MBOAT7: variants seen among roughly 807,000 people sequenced by gnomAD.
MBOAT7 encodes membrane-bound acylglycerophosphatidylinositol O-acyltransferase MBOAT7.
Under a neutral mutation model 47.4 loss-of-function variants are expected in MBOAT7, and 40 were observed. That is an observed-to-expected ratio of 0.84 (90% CI 0.66 to 1.10). The LOEUF is 1.10. Among genes scored for constraint, MBOAT7 ranks in the 50% least tolerant of loss-of-function variants. MBOAT7 has a pLI of 0.00. For synonymous variants in MBOAT7, 361 were observed against 292.0 expected (o/e 1.24, Z -2.41); for missense variants, 680 against 655.6 (o/e 1.04, Z -0.41).
At chr19:54,176,099 C>A (rs2076100429) in intron 7 of MBOAT7, among the ~76,000 whole-genome samples, 1 of 152,148 alleles carries the variant, frequency 6.6e-6, no homozygotes, top group South Asian at 2.1e-4. Context: ...TTGTGATCCA[C>A]CCACCTTGGC....
rs1164859526 is a variant in MBOAT7 at position 54,188,236 on chromosome 19, G to C, written c.187C>G (p.Leu63Val). 3.1e-6 allele frequency: 5 copies of C among 1,613,132 alleles called. No homozygotes were observed. Among genetic ancestry groups the C allele is most frequent in the Non-Finnish European group, 4.2e-6 (5 of 1,179,554 alleles). Residue 63 changes from leucine (L) to valine (V), a missense_variant, in exon 3 of 8, where the codon CTC becomes GTC. Transcript: ENST00000245615. ...SLVTILGTWA[L>V]IQAQPCSCHA... is the part of the protein sequence containing the mutation. ...TCTCACCAGGGCTGGGCCTGAATGAGGGCCCAGGTCCCGAGGATGGTGACC... is the reference window on the plus strand; with the variant it reads ...TCTCACCAGGGCTGGGCCTGAATGACGGCCCAGGTCCCGAGGATGGTGACC...
At chr19:54,178,457 T>G in intron 7 of MBOAT7, 1 of 1,308,676 alleles carries the variant, frequency 7.6e-7, no homozygotes, top group Non-Finnish European at 9.7e-7. Flanking sequence ...CTCCTCAAGG[T>G]TTCTCCATAA....
At position 54,174,497 on chromosome 19, in the gene MBOAT7, C is replaced by G. The variant is rs2076022277; in HGVS notation, c.1032-66G>C. 8 of 1,432,170 alleles carry G rather than the reference C, an allele frequency of 5.6e-6. No homozygotes were observed. The East Asian group carries it at 2.0e-4, about 37-fold the overall frequency. The allele number at this position is 1,432,170 out of a possible 1,614,324, so 88.7% of individuals were successfully genotyped here. A position where few individuals can be genotyped will look rare whatever the true frequency, so the allele number is the denominator to read the frequency against. The stretch of plus-strand genomic sequence containing the variant: ...CCCCAGTGCCCACTGCCCCCAGATC[C>G]AGGAGTCCAGGACCCCAGCCCCTCC... On this transcript the variant is annotated intron_variant, in intron 7 of 7. Coordinates refer to ENST00000245615, the MANE Select transcript of MBOAT7 (RefSeq NM_024298.5).
At position 54,174,016 on chromosome 19, in the gene MBOAT7, C is replaced by T. The variant is rs988160383; in HGVS notation, c.*28G>A. ...GCCTGGTTCACAGAATTCCCGGGAC[C>T]AGCTGGCAGAGGGAGCGTCGTGACA... On this transcript the variant is annotated 3_prime_UTR_variant, in exon 8 of 8. Transcript: ENST00000245615. 4.5e-6 allele frequency: 7 copies of T among 1,543,066 alleles called. No homozygotes were observed. The highest frequency in any genetic ancestry group is 4.6e-5 in the East Asian group (2 of 43,164).
Position 54,174,462 on chromosome 19 carries a change from G to A in MBOAT7, c.1032-31C>T, listed in dbSNP as rs745767397. Reference sequence around the variant, plus strand: ...GAGGAGGCTGGGAGTCAGGACCTACGAGTCCAGGTCCCCAGTGCCCACTGC... The same window carrying A: ...GAGGAGGCTGGGAGTCAGGACCTACAAGTCCAGGTCCCCAGTGCCCACTGC... On this transcript the variant is annotated intron_variant, in intron 7 of 7. Transcript: ENST00000245615. 1.1e-5 allele frequency: 16 copies of A among 1,495,896 alleles called. No individual in the cohort carries two copies. In the Middle Eastern group the frequency reaches 6.3e-4, roughly 59 times the overall value. The allele number at this position is 1,495,896 out of a possible 1,614,324, so 92.7% of individuals were successfully genotyped here. A position where few individuals can be genotyped will look rare whatever the true frequency, so the allele number is the denominator to read the frequency against.
intron 4 of MBOAT7, among the ~76,000 whole-genome samples, chr19:54,184,167 T>C (rs200521780): frequency 4.9e-5 from 6 of 122,018 alleles, no homozygotes; most frequent in African/African-American, 2.0e-4. Flanking sequence ...CTCTCTTTTT[T>C]TTTTTTTTTT....
chr19:54,187,901 G>C (rs1291162668), intron 3 of MBOAT7, among the ~76,000 whole-genome samples: 1 of 151,982 alleles, frequency 6.6e-6, no homozygotes, highest in Non-Finnish European at 1.5e-5. Flanking sequence ...TGTAATCCCA[G>C]CTACTTGGGA....
rs750035706 is a variant in MBOAT7 at position 54,180,848 on chromosome 19, CCGGCGGCAATGCAGCCGCACT to C, written c.758_778del (p.Glu253_Ala259del). The C allele has an allele frequency of 5.3e-5, 83 of 1,579,556 alleles. No homozygotes were observed. Among genetic ancestry groups the C allele is most frequent in the South Asian group, 1.4e-4 (12 of 86,862 alleles). On this transcript the variant is annotated inframe_deletion, in exon 6 of 8. Coordinates refer to ENST00000245615, the MANE Select transcript of MBOAT7 (RefSeq NM_024298.5). This position sits in a 1 kb window ranked among gnomAD's most constrained non-coding sequence, Gnocchi z 5.2. ...GGCGGCCACGGGGTAGGCCCCAAAG[CCGGCGGCAATGCAGCCGCACT>C]CGGCGGCAATCCAGGCCACGTAGAA...
chr19:54,174,361 T>C lies in MBOAT7; in HGVS notation c.1102A>G (p.Thr368Ala). 1 of 1,611,512 alleles carries C rather than the reference T, an allele frequency of 6.2e-7. No homozygotes were observed. Among genetic ancestry groups the C allele is most frequent in the South Asian group, 1.1e-5 (1 of 90,854 alleles). The change falls in exon 8 of 8, where the codon ACC becomes GCC. Residue 368 changes from threonine (T) to alanine (A), a missense_variant. Thr to Ala is a moderately conservative substitution (Grantham distance 58, BLOSUM62 0). Coordinates refer to ENST00000245615, the MANE Select transcript of MBOAT7 (RefSeq NM_024298.5). ...LHPGYYLSFL[T>A]IPLCLAAEGR... ...TCGGCAGCCAGGCACAGCGGGATGGTCAGGAAGCTCAGGTAGTAGCCCGGG... is the reference window on the plus strand; with the variant it reads ...TCGGCAGCCAGGCACAGCGGGATGGCCAGGAAGCTCAGGTAGTAGCCCGGG...
chr19:54,173,885 A>AC lies in MBOAT7; in HGVS notation c.*158dup, dbSNP rs892948124. On this transcript the variant is annotated 3_prime_UTR_variant, in exon 8 of 8. Transcript: ENST00000245615. Reference sequence around the variant, plus strand: ...CCTCTGGGCAGAGGGCAGGGAGGACACCCCCGGGTCTGCTTCAGTTGCAGG... The same window carrying AC: ...CCTCTGGGCAGAGGGCAGGGAGGACACCCCCCGGGTCTGCTTCAGTTGCAGG... 2 of 852,992 alleles carry AC rather than the reference A, an allele frequency of 2.3e-6. No homozygotes were observed. Among genetic ancestry groups the AC allele is most frequent in the East Asian group, 3.0e-5 (1 of 33,588 alleles). The allele number at this position is 852,992 out of a possible 1,614,324, so 52.8% of individuals were successfully genotyped here.
chr19:54,177,058 C>T (rs2146967639), intron 7 of MBOAT7, among the ~76,000 whole-genome samples: 1 of 151,786 alleles, frequency 6.6e-6, no homozygotes, highest in Middle Eastern at 3.4e-3. Context: ...CCTGCGTCTA[C>T]TCTTGGCACG....
chr19:54,178,253 CAG>C, intron 7 of MBOAT7: 1 of 995,008 alleles, frequency 1.0e-6, no homozygotes, highest in Non-Finnish European at 1.2e-6. Context: ...GTGTCAAGCA[CAG>C]AGTCTCCACT....
chr19:54,182,530 C>T (rs1233505300), intron 5 of MBOAT7, among the ~76,000 whole-genome samples: 1 of 149,542 alleles, frequency 6.7e-6, no homozygotes, highest in African/African-American at 2.5e-5. Flanking sequence ...ATTAAAGAAG[C>T]CAAGAGTTGT....
chr19:54,179,002 C>A (rs774012720), intron 6 of MBOAT7, 61 bp from the exon 7 acceptor site: 2 of 1,579,700 alleles, frequency 1.3e-6, no homozygotes, highest in Non-Finnish European at 1.7e-6. Flanking sequence ...CCCCTCCCGA[C>A]GCCTGCTAGT....
chr19:54,176,101 C>T (rs2076100560), intron 7 of MBOAT7, among the ~76,000 whole-genome samples: 1 of 152,136 alleles, frequency 6.6e-6, no homozygotes, highest in Non-Finnish European at 1.5e-5. Context: ...GTGATCCACC[C>T]ACCTTGGCCT....
intron 4 of MBOAT7, among the ~76,000 whole-genome samples, chr19:54,184,661 G>T (rs915102603): frequency 6.6e-6 from 1 of 152,138 alleles, no homozygotes; most frequent in African/African-American, 2.4e-5. Context: ...CCAGCACTTT[G>T]GGAGGCCGAG....
In MBOAT7 at chr19:54,177,900, GTTTTTTTTT is replaced by G. The variant is rs761565984; in HGVS notation, c.1031+856_1031+864del. Among the ~76,000 whole-genome samples the G allele has an allele frequency of 2.3e-3, 172 of 75,958 alleles. 1 individual carries two copies. The highest frequency in any genetic ancestry group is 3.3e-3 in the Non-Finnish European group (135 of 41,140). The allele number at this position is 75,958 out of a possible 152,430, so 49.8% of individuals were successfully genotyped here. ...ATGCCTGGCTATGAGTTCTACTTCT[GTTTTTTTTT>G]TTTTTTTTTTTTTTTTTTTTTGAGA... On this transcript the variant is annotated intron_variant, in intron 7 of 7. Coordinates refer to ENST00000245615, the MANE Select transcript of MBOAT7 (RefSeq NM_024298.5).
intron 4 of MBOAT7, among the ~76,000 whole-genome samples, chr19:54,186,108 G>A (rs2076421404): frequency 6.6e-6 from 1 of 151,882 alleles, no homozygotes; most frequent in Non-Finnish European, 1.5e-5. Flanking sequence ...CCGCCTCCTG[G>A]GTTCAAGCAA....
intron 5 of MBOAT7, among the ~76,000 whole-genome samples, chr19:54,182,016 A>G (rs2076300626): frequency 7.3e-6 from 1 of 137,160 alleles, no homozygotes; most frequent in African/African-American, 2.7e-5. Context: ...GGAGGGAAGG[A>G]AGGAGGGAGG....
Sources: allele counts gnomAD v4.1 joint callset (sites outside exome capture counted in the v4.1 genomes callset), GRCh38; gene constraint gnomAD v4.1.1; non-coding constraint Gnocchi (gnomAD v3.1); transcripts MANE v1.5; gene names NCBI Gene and HGNC (gene_info 2026-07-23, HGNC 2026-07-21).